The following EFCAB5 variants were observed in gnomAD, a reference collection of about 807,000 sequenced individuals.
EFCAB5 encodes EF-hand calcium-binding domain-containing protein 5.
Under a neutral mutation model 167.9 loss-of-function variants are expected in EFCAB5, and 131 were observed. The observed-to-expected ratio is 0.78, with a 90% confidence interval of 0.68 to 0.90. EFCAB5 has a LOEUF of 0.90. Among genes scored for constraint, EFCAB5 ranks in the 40% least tolerant of loss-of-function variants. EFCAB5 has a pLI of 0.00. For missense variants in EFCAB5, 1,663 were observed against 1,745.2 expected (o/e 0.95, Z 0.84); for synonymous variants, 574 against 602.8 (o/e 0.95, Z 0.70).
chr17:29,942,799 TG>T (rs2067319210), intron 2 of EFCAB5, among the ~76,000 whole-genome samples: 1 of 152,170 alleles, frequency 6.6e-6, no homozygotes, highest in African/African-American at 2.4e-5. Flanking sequence ...CCCAGCACTC[TG>T]GGAGACCGAG....
At chr17:30,022,922 G>A (rs1489407305) in intron 7 of EFCAB5, among the ~76,000 whole-genome samples, 1 of 152,088 alleles carries the variant, frequency 6.6e-6, no homozygotes, top group African/African-American at 2.4e-5. Flanking sequence ...ACTTGCTCCT[G>A]AATGACTACT....
intron 6 of EFCAB5, among the ~76,000 whole-genome samples, chr17:29,997,778 G>T (rs903670829): frequency 3.3e-5 from 5 of 152,012 alleles, no homozygotes; most frequent in African/African-American, 1.2e-4. Context: ...CATGTGTTCT[G>T]CCTCTGCTCC....
intron 7 of EFCAB5, among the ~76,000 whole-genome samples, chr17:30,021,218 T>A (rs1434170662): frequency 1.3e-5 from 2 of 151,184 alleles, no homozygotes; most frequent in Non-Finnish European, 2.9e-5. Flanking sequence ...TAGAACTCCA[T>A]CTACAAAGAT....
At position 29,996,308 on chromosome 17, in the gene EFCAB5, GC is replaced by G. The variant is rs1477626651; in HGVS notation, c.925-3del. The G allele has an allele frequency of 3.2e-6, 5 of 1,549,190 alleles. 1 individual carries two copies. In the African/African-American group the frequency reaches 6.8e-5, roughly 21 times the overall value. ...CTTTCTTTTTTTCCTCTTTTGAGTT[GC>G]AGATTCAGAATGTTCTTCAAGAATT... On this transcript the variant is annotated splice_region_variant and splice_polypyrimidine_tract_variant and intron_variant, in intron 5 of 22. Coordinates refer to ENST00000394835, the MANE Select transcript of EFCAB5 (RefSeq NM_198529.4).
chr17:29,944,100 T>C (rs1194394677), intron 3 of EFCAB5, among the ~76,000 whole-genome samples: 1 of 152,222 alleles, frequency 6.6e-6, no homozygotes, highest in Admixed American at 6.5e-5. Context: ...TTTTTAGAGA[T>C]GGATCTTGCC....
At position 30,032,813 on chromosome 17, in the gene EFCAB5, A is replaced by G. The variant is rs527867168; in HGVS notation, c.1045-1417A>G. On this transcript the variant is annotated intron_variant, in intron 7 of 22. Transcript: ENST00000394835. ...TCTCCTGCTAACCTATCTTATGTCA[A>G]TTTAATTCTCAGGCCCAGCCAAAGA... 3.9e-5 allele frequency among the ~76,000 whole-genome samples: 6 copies of G among 152,250 alleles called. No individual in the cohort carries two copies. The South Asian group carries it at 1.2e-3, about 32-fold the overall frequency.
intron 4 of EFCAB5, among the ~76,000 whole-genome samples, chr17:29,976,568 C>T (rs563381413): frequency 6.6e-6 from 1 of 152,108 alleles, no homozygotes; most frequent in Non-Finnish European, 1.5e-5. Context: ...ATATACCCAG[C>T]AATATTAGTA....
chr17:30,052,590 T>C (rs1400775283), intron 9 of EFCAB5, among the ~76,000 whole-genome samples: 5 of 152,256 alleles, frequency 3.3e-5, no homozygotes, highest in Non-Finnish European at 5.9e-5. Context: ...TTACCACTAC[T>C]GTTTTGGGAG....
chr17:30,009,155 T>G (rs993853517), intron 7 of EFCAB5, among the ~76,000 whole-genome samples: 2 of 152,230 alleles, frequency 1.3e-5, no homozygotes, highest in Non-Finnish European at 2.9e-5. Flanking sequence ...AAATCCTTAA[T>G]CACATCTGCA....
intron 3 of EFCAB5, among the ~76,000 whole-genome samples, chr17:29,951,022 A>C (rs1176497555): frequency 6.6e-6 from 1 of 152,232 alleles, no homozygotes; most frequent in Non-Finnish European, 1.5e-5. Flanking sequence ...GAAGGGAAAC[A>C]CACCTTTCCC....
chr17:30,090,816 C>A, intron 20 of EFCAB5, 142 bp downstream of exon 20: 1 of 1,186,176 alleles, frequency 8.4e-7, no homozygotes, highest in Non-Finnish European at 1.2e-6. Flanking sequence ...TTCCCTTATG[C>A]AGTCTTGCGC....
At chr17:30,057,063 A>G (rs892111893) in intron 12 of EFCAB5, among the ~76,000 whole-genome samples, 3 of 152,154 alleles carry the variant, frequency 2.0e-5, no homozygotes, top group Non-Finnish European at 4.4e-5. Flanking sequence ...TATTGAGCTA[A>G]AAGGTAAATA....
At chr17:30,050,449 T>C (rs2070059703) in intron 8 of EFCAB5, among the ~76,000 whole-genome samples, 2 of 152,242 alleles carry the variant, frequency 1.3e-5, no homozygotes, top group African/African-American at 4.8e-5. Flanking sequence ...TCAGGTTTTT[T>C]TGTTTTTGTT....
chr17:30,069,106 G>A (rs2070658431), intron 14 of EFCAB5: 1 of 1,480,882 alleles, frequency 6.8e-7, no homozygotes, highest in Non-Finnish European at 9.4e-7. Context: ...AGTTAAAAGA[G>A]TGGTGGATAA....
rs200473024 is a variant in EFCAB5 at position 30,107,959 on chromosome 17, T to G, written c.4447T>G (p.Leu1483Val). The change falls in exon 23 of 23, where the codon TTG becomes GTG. Residue 1483 changes from leucine to valine, a missense_variant. Physicochemically the swap from Leu to Val is conservative, Grantham distance 32. Transcript: ENST00000394835. The part of the protein sequence containing the change: ...KQLNSGITPP[L>V]PSKTDNYMYA... ...ACTAAATAGTGGTATTACACCTCCG[T>G]TGCCCTCCAAGACTGACAATTATAT... 1 of 1,611,618 alleles carries G rather than the reference T, an allele frequency of 6.2e-7. No individual in the cohort carries two copies. The highest frequency in any genetic ancestry group is 2.2e-5 in the East Asian group (1 of 44,696).
chr17:30,088,113 C>T (rs1708528459), intron 19 of EFCAB5, among the ~76,000 whole-genome samples: 1 of 152,118 alleles, frequency 6.6e-6, no homozygotes, highest in Admixed American at 6.6e-5. Flanking sequence ...CATATTTACT[C>T]TTTTTTTCCC....
At chr17:30,000,094 A>G (rs530513541) in intron 7 of EFCAB5, 118 bp downstream of exon 7, 3 of 673,740 alleles carry the variant, frequency 4.5e-6, no homozygotes, top group Non-Finnish European at 7.3e-6. Flanking sequence ...CTTATTTTAT[A>G]CATTCTAAAA....
rs1256951322 is a variant in EFCAB5, at chr17:29,994,142, A to ATATATG, written c.924+826_924+827insGTATAT. Reference sequence around the variant, plus strand: ...AACAACAACAACAACAAATATATATATATATATATATATATATATATATAT... The same window carrying ATATATG: ...AACAACAACAACAACAAATATATATATATATGTATATATATATATATATATATATAT... On this transcript the variant is annotated intron_variant, in intron 5 of 22. Transcript: ENST00000394835. Among the ~76,000 whole-genome samples, 5 of 76,680 alleles carry ATATATG rather than the reference A, an allele frequency of 6.5e-5. No individual in the cohort carries two copies. The East Asian group carries it at 1.8e-3, about 28-fold the overall frequency. 50.3% of individuals were successfully genotyped at this position (76,680 alleles called of 152,430 possible).
intron 3 of EFCAB5, among the ~76,000 whole-genome samples, chr17:29,965,104 C>T (rs985003861): frequency 1.3e-5 from 2 of 151,684 alleles, no homozygotes; most frequent in Non-Finnish European, 2.9e-5. Context: ...GGGGTTTCAT[C>T]GTGTTATCCA....
Sources: gnomAD v4.1 joint callset for allele counts (sites outside exome capture counted in the v4.1 genomes callset) on GRCh38, gnomAD v4.1.1 for gene constraint, MANE v1.5 for transcripts, NCBI Gene and HGNC (gene_info 2026-07-23, HGNC 2026-07-21) for gene names.